MPDZ: variants seen among roughly 807,000 people sequenced by gnomAD.
MPDZ encodes multiple PDZ domain crumbs cell polarity complex component.
Under a neutral mutation model 239.1 loss-of-function variants are expected in MPDZ, and 234 were observed. That is an observed-to-expected ratio of 0.98 (90% CI 0.88 to 1.09). The LOEUF is 1.09. MPDZ is among the 50% of genes least tolerant of loss of function. The pLI is 0.00. For missense variants in MPDZ, 3,175 were observed against 2,510.0 expected (o/e 1.26, Z -5.66); for synonymous variants, 1,048 against 881.3 (o/e 1.19, Z -3.35).
chr9:13,268,538 GTAAGTAAT>G (rs1352567799), intron 1 of MPDZ, among the ~76,000 whole-genome samples: 2 of 152,118 alleles, frequency 1.3e-5, no homozygotes, highest in African/African-American at 4.8e-5. Flanking sequence ...GTGGAAAACG[GTAAGTAAT>G]TATACGGCAA....
intron 3 of MPDZ, among the ~76,000 whole-genome samples, chr9:13,233,428 G>A (rs1167272098): frequency 2.0e-5 from 3 of 152,062 alleles, no homozygotes; most frequent in Non-Finnish European, 4.4e-5. Context: ...TATATGCTCA[G>A]ACTGTATTTA....
chr9:13,137,871 T>C (rs1379262156), intron 29 of MPDZ, 86 bp downstream of exon 29: 12 of 1,363,924 alleles, frequency 8.8e-6, no homozygotes, highest in Non-Finnish European at 1.1e-5. Flanking sequence ...TCAGTCACTA[T>C]AAGGTATGGG....
intron 21 of MPDZ, 81 bp from the exon 22 acceptor site, chr9:13,168,645 AT>A: frequency 1.8e-6 from 2 of 1,081,368 alleles, no homozygotes; most frequent in Non-Finnish European, 1.3e-6. Context: ...AATTTCTATG[AT>A]TTATAGATTA....
At chr9:13,258,999 C>T (rs943674402) in intron 1 of MPDZ, among the ~76,000 whole-genome samples, 6 of 151,890 alleles carry the variant, frequency 4.0e-5, no homozygotes, top group Admixed American at 2.0e-4. Flanking sequence ...GCAGGAGAAT[C>T]GCTTGAACCC....
Position 13,188,745 on chromosome 9 carries a change from T to C in MPDZ, c.2364+39A>G, listed in dbSNP as rs191678588. 7.8e-5 allele frequency: 123 copies of C among 1,572,732 alleles called. No homozygotes were observed. The Admixed American group carries it at 2.1e-3, about 27-fold the overall frequency. On this transcript the variant is annotated intron_variant, in intron 17 of 46. Coordinates refer to ENST00000319217, the MANE Select transcript of MPDZ (RefSeq NM_001378778.1). The stretch of plus-strand genomic sequence containing the variant: ...AAGTAGACCTATGAACCATTTTGCT[T>C]ATAAATATAAAGGGAAGCAATAAAG...
At chr9:13,276,043 TC>T (rs1974115887) in intron 1 of MPDZ, among the ~76,000 whole-genome samples, 1 of 152,228 alleles carries the variant, frequency 6.6e-6, no homozygotes, top group Admixed American at 6.5e-5. Context: ...TTTCCTAGAA[TC>T]CCTGTAACAT....
At chr9:13,207,131 T>C (rs1485043726) in intron 10 of MPDZ, among the ~76,000 whole-genome samples, 1 of 152,174 alleles carries the variant, frequency 6.6e-6, no homozygotes, top group Admixed American at 6.5e-5. Flanking sequence ...CATATTTATA[T>C]GGCCTTTCAA....
At chr9:13,150,200 T>C (rs1948975236) in intron 25 of MPDZ, among the ~76,000 whole-genome samples, 1 of 152,026 alleles carries the variant, frequency 6.6e-6, no homozygotes, top group Admixed American at 6.6e-5. Flanking sequence ...TTTTTTTAAA[T>C]GGTTGGCTTT....
intron 1 of MPDZ, among the ~76,000 whole-genome samples, chr9:13,251,011 C>T (rs964793063): frequency 1.3e-5 from 2 of 151,376 alleles, no homozygotes; most frequent in Admixed American, 6.6e-5. Context: ...CACCTGTAAT[C>T]CCAGCTACTC....
In MPDZ at chr9:13,176,421, G is replaced by A; in HGVS notation, c.2650-4C>T. Reference sequence around the variant, plus strand: ...CACAAGAATTTTCAATAACATCCTGGTAGTTAAAAAACAACAACAACAAAA... The same window carrying A: ...CACAAGAATTTTCAATAACATCCTGATAGTTAAAAAACAACAACAACAAAA... On this transcript the variant is annotated splice_polypyrimidine_tract_variant and splice_region_variant and intron_variant, in intron 19 of 46. Transcript: ENST00000319217. The A allele has an allele frequency of 2.0e-6, 3 of 1,533,900 alleles. No homozygotes were observed. Among genetic ancestry groups the A allele is most frequent in the Non-Finnish European group, 1.8e-6 (2 of 1,139,064 alleles).
chr9:13,152,159 A>C (rs1949258648), intron 24 of MPDZ, among the ~76,000 whole-genome samples: 1 of 152,120 alleles, frequency 6.6e-6, no homozygotes, highest in African/African-American at 2.4e-5. Flanking sequence ...CTATGTCACA[A>C]ACCCACCTCT....
intron 10 of MPDZ, among the ~76,000 whole-genome samples, chr9:13,207,182 G>T (rs1373487076): frequency 6.6e-6 from 1 of 152,120 alleles, no homozygotes; most frequent in Non-Finnish European, 1.5e-5. Flanking sequence ...TGTCTTTTCA[G>T]AAAAATACAT....
intron 15 of MPDZ, among the ~76,000 whole-genome samples, chr9:13,190,561 G>T (rs1041405012): frequency 1.7e-4 from 26 of 152,000 alleles, no homozygotes; most frequent in African/African-American, 6.3e-4. Context: ...GTTATATCTC[G>T]ACAGCAGGAT....
At chr9:13,158,676 T>A (rs1950115057) in intron 23 of MPDZ, among the ~76,000 whole-genome samples, 1 of 152,174 alleles carries the variant, frequency 6.6e-6, no homozygotes, top group African/African-American at 2.4e-5. Flanking sequence ...CACAGAATAC[T>A]TCTTAATGGA....
At chr9:13,261,727 C>T (rs1429259381) in intron 1 of MPDZ, among the ~76,000 whole-genome samples, 1 of 151,990 alleles carries the variant, frequency 6.6e-6, no homozygotes, top group Non-Finnish European at 1.5e-5. Flanking sequence ...AAACATAAAT[C>T]CACTGTTAAA....
chr9:13,217,116 T>TTA, intron 9 of MPDZ, 64 bp downstream of exon 9: 1 of 1,121,732 alleles, frequency 8.9e-7, no homozygotes, highest in South Asian at 1.5e-5. Context: ...ACTCAATATT[T>TTA]TATAAGAGAT....
rs145895202 is a variant in MPDZ at position 13,202,093 on chromosome 9, G to A, written c.1546+2943C>T. Among the ~76,000 whole-genome samples, 20 of 152,216 alleles carry A rather than the reference G, an allele frequency of 1.3e-4. No individual in the cohort carries two copies. In the East Asian group the frequency reaches 3.9e-3, roughly 29 times the overall value. ...TGGCTACCTCTTCCAGTTTTTGCAAGTGCTCTTTGGTGGTGTTAGAGATTT... is the reference window on the plus strand; with the variant it reads ...TGGCTACCTCTTCCAGTTTTTGCAAATGCTCTTTGGTGGTGTTAGAGATTT... On this transcript the variant is annotated intron_variant, in intron 12 of 46. Coordinates refer to ENST00000319217, the MANE Select transcript of MPDZ (RefSeq NM_001378778.1).
At chr9:13,248,190 T>C (rs1345991257) in intron 2 of MPDZ, among the ~76,000 whole-genome samples, 1 of 144,334 alleles carries the variant, frequency 6.9e-6, no homozygotes. Context: ...ATTGGGCCAC[T>C]GCACTCCAGC....
At chr9:13,188,646 C>T (rs574567532) in intron 17 of MPDZ, 138 bp downstream of exon 17, 13 of 597,008 alleles carry the variant, frequency 2.2e-5, no homozygotes, top group African/African-American at 7.4e-5. Flanking sequence ...AATCTTTATA[C>T]GAATGGAGCT....
Sources: gnomAD v4.1 joint callset for allele counts (sites outside exome capture counted in the v4.1 genomes callset) on GRCh38, gnomAD v4.1.1 for gene constraint, MANE v1.5 for transcripts, NCBI Gene and HGNC (gene_info 2026-07-23, HGNC 2026-07-21) for gene names.